KIF24: variants seen among roughly 807,000 people sequenced by gnomAD.
KIF24 encodes the protein kinesin family member 24, also known as kinesin-like protein KIF24.
Under a neutral mutation model 118.9 loss-of-function variants are expected in KIF24, and 81 were observed. The ratio of observed to expected loss-of-function variants is 0.68; its 90% CI spans 0.57 to 0.82. KIF24 has a LOEUF of 0.82. Ranked by LOEUF, KIF24 falls within the 40% of genes least tolerant of loss-of-function variation. The pLI, the probability that KIF24 is intolerant of heterozygous loss-of-function variation, is 0.00. For synonymous variants in KIF24, 599 were observed against 610.0 expected, an observed-to-expected ratio of 0.98 and a Z score of 0.27; for missense variants, 1,560 against 1,661.6, an observed-to-expected ratio of 0.94 and a Z score of 1.06.
At chr9:34,276,029 G>T (rs1587929502) in intron 6 of KIF24, among the ~76,000 whole-genome samples, 1 of 152,158 alleles carries the variant, frequency 6.6e-6, no homozygotes, top group Non-Finnish European at 1.5e-5. Context: ...TCCACATCCA[G>T]TACATCTGAC....
In KIF24 at chr9:34,296,314, C is replaced by G. The variant is rs183076550; in HGVS notation, c.911+703G>C. On this transcript the variant is annotated intron_variant, in intron 4 of 12. Coordinates refer to ENST00000402558, the MANE Select transcript of KIF24 (RefSeq NM_194313.4). ...GGCCGAGGCGGGCGGATCACGAGGTCAGGAGATGGAGACCATCCTGGCTAA... is the reference window on the plus strand; with the variant it reads ...GGCCGAGGCGGGCGGATCACGAGGTGAGGAGATGGAGACCATCCTGGCTAA... Among the ~76,000 whole-genome samples, 279 of 147,454 alleles carry G rather than the reference C, an allele frequency of 1.9e-3. 9 individuals are homozygous for G. In the East Asian group the frequency reaches 0.047, roughly 25 times the overall value.
At chr9:34,310,383 T>C (rs1837091623) in intron 2 of KIF24, among the ~76,000 whole-genome samples, 1 of 113,844 alleles carries the variant, frequency 8.8e-6, no homozygotes, top group African/African-American at 2.5e-5. Context: ...TTTTCTCCAC[T>C]GTAGAAGGGT....
intron 8 of KIF24, among the ~76,000 whole-genome samples, chr9:34,266,326 A>G (rs919623172): frequency 5.3e-5 from 8 of 152,224 alleles, no homozygotes; most frequent in African/African-American, 1.9e-4. Context: ...CTAACACAGT[A>G]GTGATAAGCA....
chr9:34,262,696 A>ATG (rs1835134451), intron 9 of KIF24, among the ~76,000 whole-genome samples: 1 of 52,696 alleles, frequency 1.9e-5, no homozygotes, highest in Non-Finnish European at 3.9e-5. Context: ...ATATATATAT[A>ATG]TATATATATA....
intron 1 of KIF24, among the ~76,000 whole-genome samples, chr9:34,321,790 A>G (rs1159494974): frequency 6.6e-6 from 1 of 151,834 alleles, no homozygotes; most frequent in Non-Finnish European, 1.5e-5. Flanking sequence ...TATTTTTTGT[A>G]GAGATGAGGT....
chr9:34,316,590 G>C (rs1181983169), intron 1 of KIF24, among the ~76,000 whole-genome samples: 1 of 152,136 alleles, frequency 6.6e-6, no homozygotes, highest in East Asian at 1.9e-4. Context: ...TTATATAAAA[G>C]GCTAATTCCA....
In KIF24 at chr9:34,318,994, C is replaced by A; in HGVS notation, c.-25-7623G>T. ...CCAAGGACATGGAGTGCATGGATGG[C>A]GCCCTGCTTGTCAACACCATGTTCT... is the stretch of plus-strand genomic sequence containing the variant. On this transcript the variant is annotated intron_variant, in intron 1 of 12. Transcript: ENST00000402558. The surrounding 1 kb of genome is among the most constrained non-coding windows in gnomAD (Gnocchi z 4.9). 8.1e-7 allele frequency: 1 copy of A among 1,237,486 alleles called. No individual in the cohort carries two copies. The highest frequency in any genetic ancestry group is 1.2e-6 in the Non-Finnish European group (1 of 841,592). The allele number at this position is 1,237,486 out of a possible 1,614,324, so 76.7% of individuals were successfully genotyped here.
intron 2 of KIF24, among the ~76,000 whole-genome samples, chr9:34,308,197 G>C (rs926633369): frequency 1.3e-5 from 2 of 152,040 alleles, no homozygotes; most frequent in South Asian, 2.1e-4. Flanking sequence ...CGAACTCCTG[G>C]GCTCAAGCAA....
At chr9:34,311,640 G>A (rs1176326914) in intron 1 of KIF24, among the ~76,000 whole-genome samples, 1 of 145,342 alleles carries the variant, frequency 6.9e-6, no homozygotes, top group African/African-American at 2.5e-5. Flanking sequence ...TTTTACATAT[G>A]TGTATATATA....
intron 1 of KIF24, among the ~76,000 whole-genome samples, chr9:34,313,536 T>A (rs1051840664): frequency 6.6e-6 from 1 of 151,726 alleles, no homozygotes; most frequent in Admixed American, 6.6e-5. Flanking sequence ...GGACTCAAAC[T>A]TGTAGGCACA....
chr9:34,271,390 A>G (rs1236265275), intron 7 of KIF24, among the ~76,000 whole-genome samples: 1 of 152,000 alleles, frequency 6.6e-6, no homozygotes, highest in Admixed American at 6.6e-5. Flanking sequence ...AAATAGGCTC[A>G]TCCATCAGTG....
In KIF24 at chr9:34,262,223, C is replaced by T. The variant is rs560239539; in HGVS notation, c.1515+878G>A. On this transcript the variant is annotated intron_variant, in intron 9 of 12. Transcript: ENST00000402558. ...GGATTACAGGCATGAGCCACTGTGC[C>T]CTGCCCAGAGTTACCATACACTGGA... Among the ~76,000 whole-genome samples the T allele has an allele frequency of 3.3e-5, 5 of 152,144 alleles. 1 individual carries two copies. In the Middle Eastern group the frequency reaches 0.014, roughly 414 times the overall value.
rs7867873 is a variant in KIF24 at position 34,262,714 on chromosome 9, G to A, written c.1515+387C>T. On this transcript the variant is annotated intron_variant, in intron 9 of 12. Transcript: ENST00000402558. ...TATATATATATATATATATATATAT[G>A]GCCAGGCATGATGGCATATGCCTGT... Among the ~76,000 whole-genome samples the A allele has an allele frequency of 0.05, 1,916 of 38,288 alleles. 172 individuals are homozygous for A. The East Asian group carries it at 0.64, about 13-fold the overall frequency. The allele number at this position is 38,288 out of a possible 152,430, so 25.1% of individuals were successfully genotyped here.
At chr9:34,262,664 AAAAAAAAAAAAATATATATATATAT>A (rs1563936536) in intron 9 of KIF24, among the ~76,000 whole-genome samples, 2 of 52,500 alleles carry the variant, frequency 3.8e-5, no homozygotes, top group Non-Finnish European at 7.0e-5. Flanking sequence ...AAAAAAAAAA[AAAAAAAAAAAAATATATATATATAT>A]ATATATATAT....
At chr9:34,331,240 TCA>T (rs1335241338), upstream of KIF24, among the ~76,000 whole-genome samples, 1 of 152,172 alleles carries the variant, frequency 6.6e-6, no homozygotes, top group Non-Finnish European at 1.5e-5. Flanking sequence ...AGATGAAAAG[TCA>T]TTTCTTTAAA....
intron 6 of KIF24, among the ~76,000 whole-genome samples, chr9:34,275,398 A>G (rs1835622794): frequency 6.6e-6 from 1 of 152,068 alleles, no homozygotes. Flanking sequence ...TGTCTCAAAA[A>G]CAACAACAAC....
At chr9:34,268,419 G>T (rs2131697197) in intron 8 of KIF24, among the ~76,000 whole-genome samples, 1 of 152,106 alleles carries the variant, frequency 6.6e-6, no homozygotes, top group Non-Finnish European at 1.5e-5. Context: ...GCCTCCAAAA[G>T]TGTTGGGATT....
intron 8 of KIF24, among the ~76,000 whole-genome samples, chr9:34,265,053 A>C (rs554686276): frequency 6.6e-6 from 1 of 152,334 alleles, no homozygotes; most frequent in South Asian, 2.1e-4. Flanking sequence ...AGACAGAAAA[A>C]TGATTTTACA....
intron 8 of KIF24, among the ~76,000 whole-genome samples, chr9:34,264,513 T>G (rs1835211728): frequency 6.7e-6 from 1 of 150,258 alleles, no homozygotes; most frequent in Non-Finnish European, 1.5e-5. Context: ...GCCTCCAGAG[T>G]GTGCTATGGC....
Sources: gnomAD v4.1 joint callset for allele counts (sites outside exome capture counted in the v4.1 genomes callset) on GRCh38, gnomAD v4.1.1 for gene constraint, Gnocchi (gnomAD v3.1) non-coding constraint, MANE v1.5 for transcripts, NCBI Gene and HGNC (gene_info 2026-07-23, HGNC 2026-07-21) for gene names.